FAM171A1: variants seen among roughly 807,000 people sequenced by gnomAD.
FAM171A1 encodes family with sequence similarity 171 member A1.
In FAM171A1, 23 loss-of-function variants were observed where a neutral mutation model predicts 74.9. The observed-to-expected ratio is 0.31, with a 90% CI of 0.22 to 0.44. The LOEUF is 0.44. FAM171A1 is among the 20% of genes least tolerant of loss of function. FAM171A1 has a pLI of 1.00. For synonymous variants in FAM171A1, 527 were observed against 505.7 expected, an observed-to-expected ratio of 1.04 and a Z score of -0.57; for missense variants, 1,162 against 1,159.2, an observed-to-expected ratio of 1.00 and a Z score of -0.03.
rs1229810597 is a variant in FAM171A1, at chr10:15,369,450, AC to A, written c.97+1505del. Among the ~76,000 whole-genome samples the A allele has an allele frequency of 2.0e-5, 3 of 152,192 alleles. No individual in the cohort carries two copies. In the East Asian group the frequency reaches 5.8e-4, roughly 29 times the overall value. The stretch of plus-strand genomic sequence containing the variant: ...CAACACTGATGATCTAATGTCCTAA[AC>A]ATTCGTTTCCTACACGAAGAGACAT... On this transcript the variant is annotated intron_variant, in intron 1 of 7. Transcript: ENST00000378116.
chr10:15,256,476 C>G (rs1320689605), intron 3 of FAM171A1, among the ~76,000 whole-genome samples: 1 of 152,114 alleles, frequency 6.6e-6, no homozygotes, highest in Non-Finnish European at 1.5e-5. Flanking sequence ...CTGTGAAATC[C>G]AGGCCCAGGT....
intron 1 of FAM171A1, among the ~76,000 whole-genome samples, chr10:15,291,398 T>G (rs1835100514): frequency 6.6e-6 from 1 of 152,156 alleles, no homozygotes; most frequent in African/African-American, 2.4e-5. Flanking sequence ...TTAAATTAAT[T>G]TAAAAATCGA....
chr10:15,259,740 C>T (rs1834632047), intron 3 of FAM171A1, among the ~76,000 whole-genome samples: 1 of 151,940 alleles, frequency 6.6e-6, no homozygotes, highest in East Asian at 1.9e-4. Flanking sequence ...ACCATGCCTA[C>T]CTCAAAATAG....
chr10:15,259,188 G>C (rs1370353652), intron 3 of FAM171A1, among the ~76,000 whole-genome samples: 1 of 152,094 alleles, frequency 6.6e-6, no homozygotes. Context: ...ATTCACTCAA[G>C]TGCCAAGACT....
At chr10:15,339,847 G>A (rs1835746039) in intron 1 of FAM171A1, among the ~76,000 whole-genome samples, 1 of 152,158 alleles carries the variant, frequency 6.6e-6, no homozygotes, top group African/African-American at 2.4e-5. Context: ...GTGTGGCTCG[G>A]GAGGCCTCAC....
At chr10:15,223,524 C>T (rs1160543314) in intron 5 of FAM171A1, among the ~76,000 whole-genome samples, 1 of 152,186 alleles carries the variant, frequency 6.6e-6, no homozygotes, top group African/African-American at 2.4e-5. Flanking sequence ...GAATGCACAC[C>T]TGCCTTTCTC....
At chr10:15,284,417 CGT>C (rs10533763) in intron 1 of FAM171A1, among the ~76,000 whole-genome samples, 101,277 of 150,308 alleles carry the variant, frequency 0.67, 34,069 homozygotes, top group South Asian at 0.82. Flanking sequence ...TGCAATACTT[CGT>C]GTGTGTGTGT....
chr10:15,334,667 T>C (rs1445082295), intron 1 of FAM171A1, among the ~76,000 whole-genome samples: 1 of 152,114 alleles, frequency 6.6e-6, no homozygotes, highest in Non-Finnish European at 1.5e-5. Context: ...CAAAGATCCT[T>C]TTCTTGGAGG....
At chr10:15,215,763 T>A (rs1304376057) in intron 7 of FAM171A1, among the ~76,000 whole-genome samples, 1 of 152,188 alleles carries the variant, frequency 6.6e-6, no homozygotes, top group Non-Finnish European at 1.5e-5. Context: ...TTAAACTCTT[T>A]TTCATAACTC....
chr10:15,324,389 G>A (rs1032968757), intron 1 of FAM171A1, among the ~76,000 whole-genome samples: 2 of 152,120 alleles, frequency 1.3e-5, no homozygotes, highest in East Asian at 1.9e-4. Context: ...GCTCCCTCCC[G>A]TTCTTTCTTT....
intron 2 of FAM171A1, among the ~76,000 whole-genome samples, chr10:15,279,064 G>A (rs765919712): frequency 3.3e-5 from 5 of 152,068 alleles, no homozygotes; most frequent in African/African-American, 4.8e-5. Context: ...CTCCCGTGGC[G>A]ACTGCAGACA....
chr10:15,345,133 G>T (rs967429218), intron 1 of FAM171A1, among the ~76,000 whole-genome samples: 1 of 152,240 alleles, frequency 6.6e-6, no homozygotes, highest in Non-Finnish European at 1.5e-5. Context: ...TCTGTGGGAG[G>T]TGAGGGGAAG....
chr10:15,315,123 G>C (rs1835406893), intron 1 of FAM171A1, among the ~76,000 whole-genome samples: 1 of 152,212 alleles, frequency 6.6e-6, no homozygotes, highest in South Asian at 2.1e-4. Context: ...ACAGTTTAAT[G>C]AAGTTGGACA....
At chr10:15,330,026 G>A (rs1797509829) in intron 1 of FAM171A1, among the ~76,000 whole-genome samples, 1 of 152,132 alleles carries the variant, frequency 6.6e-6, no homozygotes, top group African/African-American at 2.4e-5. Context: ...AATATTATAA[G>A]TTTAATTCTC....
chr10:15,284,764 G>A (rs1259901248), intron 1 of FAM171A1, among the ~76,000 whole-genome samples: 2 of 152,130 alleles, frequency 1.3e-5, no homozygotes, highest in African/African-American at 2.4e-5. Flanking sequence ...GGGCACAGTG[G>A]GCCATGGTAT....
intron 1 of FAM171A1, among the ~76,000 whole-genome samples, chr10:15,348,203 T>C (rs926924271): frequency 6.6e-6 from 1 of 152,154 alleles, no homozygotes. Flanking sequence ...CATCTCAAAC[T>C]CCTGACCTGA....
intron 2 of FAM171A1, among the ~76,000 whole-genome samples, chr10:15,276,537 T>A (rs146402728): frequency 6.6e-6 from 1 of 152,214 alleles, no homozygotes; most frequent in Non-Finnish European, 1.5e-5. Context: ...AAAGTTATCA[T>A]GTATACACTA....
At chr10:15,312,697 TTTTTTTTTTTTTTTTTTG>T (rs1835377704) in intron 1 of FAM171A1, among the ~76,000 whole-genome samples, 2 of 122,378 alleles carry the variant, frequency 1.6e-5, no homozygotes, top group Non-Finnish European at 3.4e-5. Context: ...TTTTTTTTTT[TTTTTTTTTTTTTTTTTTG>T]AGACGATATT....
At chr10:15,218,727 C>T (rs1055512333) in intron 6 of FAM171A1, among the ~76,000 whole-genome samples, 5 of 151,938 alleles carry the variant, frequency 3.3e-5, no homozygotes, top group South Asian at 2.1e-4. Flanking sequence ...CTCAAGTAAC[C>T]GGGATTACAG....
Sources: gnomAD v4.1 joint callset for allele counts (sites outside exome capture counted in the v4.1 genomes callset) on GRCh38, gnomAD v4.1.1 for gene constraint, MANE v1.5 for transcripts, NCBI Gene and HGNC (gene_info 2026-07-23, HGNC 2026-07-21) for gene names.